FANCD2: variants seen among roughly 807,000 people sequenced by gnomAD.
FANCD2 encodes the protein FA complementation group D2.
Under a neutral mutation model 192.3 loss-of-function variants are expected in FANCD2, and 131 were observed. The ratio of observed to expected loss-of-function variants is 0.68; its 90% CI spans 0.59 to 0.79. The LOEUF (loss-of-function observed/expected upper bound fraction) is 0.79. Among genes scored for constraint, FANCD2 ranks in the 30% least tolerant of loss-of-function variants. The pLI, the probability that FANCD2 is intolerant of heterozygous loss-of-function variation, is 0.00. For missense variants in FANCD2, 1,508 were observed against 1,701.6 expected, an observed-to-expected ratio of 0.89 and a Z score of 2.00; for synonymous variants, 524 against 612.5, an observed-to-expected ratio of 0.86 and a Z score of 2.13.
chr3:10,056,966 C>T (rs1364726475), intron 18 of FANCD2, among the ~76,000 whole-genome samples: 1 of 152,030 alleles, frequency 6.6e-6, no homozygotes, highest in Non-Finnish European at 1.5e-5. Flanking sequence ...GCGATCCTCC[C>T]ATGTCAGCCT....
intron 7 of FANCD2, 138 bp downstream of exon 7, chr3:10,036,477 C>A: frequency 1.5e-6 from 1 of 659,666 alleles, no homozygotes; most frequent in Non-Finnish European, 2.7e-6. Context: ...TAAAATTTTA[C>A]TGGAGTGTCT....
At chr3:10,062,326 C>G (rs2087595087) in intron 20 of FANCD2, 115 bp downstream of exon 20, 1 of 785,864 alleles carries the variant, frequency 1.3e-6, no homozygotes, top group Non-Finnish European at 2.1e-6. Flanking sequence ...CTGCAACCTC[C>G]ACCTCTCAGG....
At chr3:10,038,872 C>T (rs780189396) in intron 7 of FANCD2, among the ~76,000 whole-genome samples, 1 of 152,174 alleles carries the variant, frequency 6.6e-6, no homozygotes, top group Admixed American at 6.5e-5. Flanking sequence ...TGAGCCACTG[C>T]ATCTGACTTA....
intron 32 of FANCD2, among the ~76,000 whole-genome samples, chr3:10,084,578 G>A (rs1367045181): frequency 6.6e-6 from 1 of 152,212 alleles, no homozygotes. Context: ...GGCATTAGAG[G>A]CGTGAGCCAC....
At chr3:10,042,942 A>AT (rs2086901439) in intron 11 of FANCD2, 108 bp from the exon 12 acceptor site, 2 of 1,015,878 alleles carry the variant, frequency 2.0e-6, no homozygotes, top group East Asian at 2.5e-5. Context: ...CAACATTTAA[A>AT]TTTTTTTCTT....
chr3:10,060,183 CAGTT>C (rs1362296564), intron 18 of FANCD2, 107 bp from the exon 19 acceptor site: 85 of 537,880 alleles, frequency 1.6e-4, no homozygotes, highest in Middle Eastern at 1.1e-3. Flanking sequence ...AAAAAAAAAA[CAGTT>C]AGTAAACGGT....
intron 26 of FANCD2, among the ~76,000 whole-genome samples, chr3:10,068,843 A>G (rs2087790688): frequency 1.3e-5 from 2 of 152,202 alleles, no homozygotes; most frequent in Admixed American, 6.5e-5. Context: ...AAGTCCATAC[A>G]CCTACAATGA....
chr3:10,095,710 T>A (rs1183789333), intron 41 of FANCD2, among the ~76,000 whole-genome samples: 2 of 152,200 alleles, frequency 1.3e-5, no homozygotes, highest in African/African-American at 4.8e-5. Flanking sequence ...ATTAAAGGAT[T>A]TTTCCACTTG....
intron 18 of FANCD2, among the ~76,000 whole-genome samples, chr3:10,057,373 T>TC (rs974695711): frequency 6.7e-6 from 1 of 148,282 alleles, no homozygotes; most frequent in African/African-American, 2.5e-5. Context: ...CTTTCTTTCT[T>TC]TTTTTTTTTT....
At chr3:10,053,129 A>G (rs2087267125) in intron 18 of FANCD2, among the ~76,000 whole-genome samples, 1 of 148,356 alleles carries the variant, frequency 6.7e-6, no homozygotes, top group Non-Finnish European at 1.5e-5. Context: ...GAACCAACCC[A>G]GATGTCCAAC....
In FANCD2 at chr3:10,050,363, G is replaced by A. The variant is rs560907485; in HGVS notation, c.1545+858G>A. Reference sequence around the variant, plus strand: ...TGGCGGTCCGGGTGCGGTGGCTCATGCTTGTAATCCCAGCACTTTGGGAGG... The same window carrying A: ...TGGCGGTCCGGGTGCGGTGGCTCATACTTGTAATCCCAGCACTTTGGGAGG... On this transcript the variant is annotated intron_variant, in intron 17 of 43. Transcript: ENST00000675286. Among the ~76,000 whole-genome samples the A allele has an allele frequency of 7.9e-5, 12 of 152,300 alleles. No homozygotes were observed. The South Asian group carries it at 2.1e-3, about 26-fold the overall frequency.
chr3:10,064,231 T>A, intron 21 of FANCD2, 125 bp from the exon 22 acceptor site: 1 of 839,404 alleles, frequency 1.2e-6, no homozygotes, highest in Non-Finnish European at 2.0e-6. Context: ...AATAGTGAGA[T>A]ATTTATTATT....
At chr3:10,043,196 C>G (rs1435830556) in intron 12 of FANCD2, 46 bp downstream of exon 12, 1 of 1,412,608 alleles carries the variant, frequency 7.1e-7, no homozygotes. Context: ...TTCTGACATC[C>G]CACTGTCAGA....
chr3:10,052,570 T>C (rs2087250431), intron 18 of FANCD2, 73 bp downstream of exon 18: 9 of 1,005,198 alleles, frequency 9.0e-6, no homozygotes, highest in Non-Finnish European at 1.4e-5. Context: ...TAGACTGGAG[T>C]GCAGTTGGCA....
intron 17 of FANCD2, among the ~76,000 whole-genome samples, chr3:10,050,403 T>A (rs1419360811): frequency 6.6e-6 from 1 of 151,684 alleles, no homozygotes; most frequent in Non-Finnish European, 1.5e-5. Flanking sequence ...GGCGGGCAAA[T>A]CACGAGGTCA....
At chr3:10,086,235 A>T (rs529901192) in intron 33 of FANCD2, among the ~76,000 whole-genome samples, 1 of 152,360 alleles carries the variant, frequency 6.6e-6, no homozygotes, top group South Asian at 2.1e-4. Flanking sequence ...GTCTCCCAGC[A>T]GATTTGGGTA....
rs547064803 is a variant in FANCD2 at position 10,034,852 on chromosome 3, C to T, written c.377+54C>T. 110 of 1,292,056 alleles carry T rather than the reference C, an allele frequency of 8.5e-5. 1 individual carries two copies. The South Asian group carries it at 1.3e-3, about 16-fold the overall frequency. 80.0% of individuals were successfully genotyped at this position (1,292,056 alleles called of 1,614,324 possible). ...GAAATTCAGTCTGTTTTGCCAACTT[C>T]ATGGGGCTGGGGAGGGAGAGCACAG... On this transcript the variant is annotated intron_variant, in intron 5 of 43. Transcript: ENST00000675286.
chr3:10,092,824 T>G (rs924263792), intron 38 of FANCD2, among the ~76,000 whole-genome samples: 1 of 151,234 alleles, frequency 6.6e-6, no homozygotes. Flanking sequence ...CTGGAGTAGC[T>G]GGGACTACAG....
intron 18 of FANCD2, among the ~76,000 whole-genome samples, chr3:10,054,396 C>G (rs1388598850): frequency 2.5e-5 from 2 of 79,268 alleles, no homozygotes; most frequent in African/African-American, 1.3e-4. Flanking sequence ...TATGTATATA[C>G]GTATATGTAT....
Sources: gnomAD v4.1 joint callset for allele counts (sites outside exome capture counted in the v4.1 genomes callset) on GRCh38, gnomAD v4.1.1 for gene constraint, MANE v1.5 for transcripts, NCBI Gene and HGNC (gene_info 2026-07-23, HGNC 2026-07-21) for gene names.